UGGT1: variants seen among roughly 807,000 people sequenced by gnomAD.
UGGT1 encodes UDP-glucose:glycoprotein glucosyltransferase 1.
A neutral mutation model predicts 203.9 loss-of-function variants in UGGT1; 107 were observed. That is an observed-to-expected ratio of 0.52 (90% CI 0.45 to 0.62). The LOEUF is 0.62. Ranked by LOEUF, UGGT1 falls within the 20% of genes least tolerant of loss-of-function variation. The pLI, the probability that UGGT1 is intolerant of heterozygous loss-of-function variation, is 0.00. For missense variants in UGGT1, 1,673 were observed against 1,867.2 expected, an observed-to-expected ratio of 0.90 and a Z score of 1.92; for synonymous variants, 628 against 653.5, an observed-to-expected ratio of 0.96 and a Z score of 0.59.
chr2:128,182,230 A>G lies in UGGT1; in HGVS notation c.4184A>G (p.Tyr1395Cys), dbSNP rs1221676450. 1 of 1,614,210 alleles carries G rather than the reference A, an allele frequency of 6.2e-7. No homozygotes were observed. Among genetic ancestry groups the G allele is most frequent in the East Asian group, 2.2e-5 (1 of 44,892 alleles). ...FCDSRREMDGYRFWKSGYWAS... is the reference protein window; with the variant it reads ...FCDSRREMDGCRFWKSGYWAS... ...GACAGCCGAAGAGAAATGGACGGCT[A>G]CAGGTTCTGGAAGTCAGGGTACTGG... is the stretch of plus-strand genomic sequence containing the variant. The change falls in exon 37 of 41, where the codon TAC becomes TGC. Residue 1395 changes from tyrosine to cysteine, a missense_variant. Transcript: ENST00000259253.
In UGGT1 at chr2:128,156,039, C is replaced by T. The variant is rs148543437; in HGVS notation, c.2237-353C>T. Among the ~76,000 whole-genome samples the T allele has an allele frequency of 9.8e-3, 1,493 of 152,294 alleles. 29 individuals are homozygous for T. Among genetic ancestry groups the T allele is most frequent in the African/African-American group, 0.032 (1,347 of 41,556 alleles). On this transcript the variant is annotated intron_variant, in intron 20 of 40. Coordinates refer to ENST00000259253, the MANE Select transcript of UGGT1 (RefSeq NM_020120.4). ...TTTAGGCTAAGATTGTGTAAAATGA[C>T]GCCCTGTAGTGGCGGACAGATTCTG... is the stretch of plus-strand genomic sequence containing the variant.
At chr2:128,108,845 C>A (rs992074270) in intron 4 of UGGT1, among the ~76,000 whole-genome samples, 3 of 152,178 alleles carry the variant, frequency 2.0e-5, no homozygotes, top group African/African-American at 7.2e-5. Flanking sequence ...CTGTTGGAAT[C>A]ACTTGCTTGT....
intron 13 of UGGT1, among the ~76,000 whole-genome samples, chr2:128,131,006 GT>G (rs1688849862): frequency 6.6e-6 from 1 of 151,910 alleles, no homozygotes. Flanking sequence ...GCCGAGGTGG[GT>G]GGATCATTTG....
intron 7 of UGGT1, among the ~76,000 whole-genome samples, chr2:128,115,979 TA>T (rs1345522947): frequency 6.6e-6 from 1 of 152,178 alleles, no homozygotes; most frequent in Non-Finnish European, 1.5e-5. Context: ...CCATAATGTT[TA>T]AATGTATTAA....
At chr2:128,101,624 A>C (rs919462531) in intron 2 of UGGT1, among the ~76,000 whole-genome samples, 1 of 152,204 alleles carries the variant, frequency 6.6e-6, no homozygotes, top group African/African-American at 2.4e-5. Flanking sequence ...TTTATATTCC[A>C]GCTTTTCCAT....
chr2:128,123,228 A>G lies in UGGT1; in HGVS notation c.1116A>G (p.Glu372=). ...KTAVSSELRT[E]VEENQKYFKG... is the part of the protein sequence containing the mutation. ...CTGTGAGCTCAGAACTTAGAACCGA[A>G]GTGGAAGAGAATCAGAAGGTATTCA... The change falls in exon 11 of 41, where the codon GAA becomes GAG. Residue 372 remains glutamate (E), a synonymous_variant. Transcript: ENST00000259253. 6.2e-7 allele frequency: 1 copy of G among 1,613,592 alleles called. No homozygotes were observed. Among genetic ancestry groups the G allele is most frequent in the Non-Finnish European group, 8.5e-7 (1 of 1,179,674 alleles).
chr2:128,092,200 C>T (rs1686898953), intron 1 of UGGT1, among the ~76,000 whole-genome samples: 1 of 149,748 alleles, frequency 6.7e-6, no homozygotes, highest in African/African-American at 2.5e-5. Flanking sequence ...TTTAACAGCA[C>T]CACAAAACTT....
In UGGT1 at chr2:128,186,633, C is replaced by T. The variant is rs752241076; in HGVS notation, c.4360-50C>T. 39 of 1,453,252 alleles carry T rather than the reference C, an allele frequency of 2.7e-5. No homozygotes were observed. The East Asian group carries it at 9.2e-4, about 34-fold the overall frequency. 90.0% of individuals were successfully genotyped at this position (1,453,252 alleles called of 1,614,324 possible). A position where few individuals can be genotyped will look rare whatever the true frequency, so the allele number is the denominator to read the frequency against. On this transcript the variant is annotated intron_variant, in intron 38 of 40. Coordinates refer to ENST00000259253, the MANE Select transcript of UGGT1 (RefSeq NM_020120.4). ...CAATAAATAAATAAATAAATATCGC[C>T]AGAACTTTAGATACATGTATTTTAT...
At chr2:128,160,240 A>G (rs937002333) in intron 23 of UGGT1, among the ~76,000 whole-genome samples, 1 of 152,214 alleles carries the variant, frequency 6.6e-6, no homozygotes, top group African/African-American at 2.4e-5. Context: ...ATAGTCTGCT[A>G]GTCGAACAAA....
At chr2:128,138,464 G>A (rs1436651435) in intron 15 of UGGT1, among the ~76,000 whole-genome samples, 2 of 151,532 alleles carry the variant, frequency 1.3e-5, no homozygotes, top group South Asian at 2.1e-4. Flanking sequence ...GCAGTGAGCC[G>A]AGATTGCACC....
At chr2:128,116,119 T>A in intron 7 of UGGT1, 146 bp from the exon 8 acceptor site, 2 of 543,844 alleles carry the variant, frequency 3.7e-6, no homozygotes, top group Non-Finnish European at 6.4e-6. Context: ...AGGGTAATTG[T>A]GATAGTCAGC....
chr2:128,134,044 C>CT (rs1312609408), intron 14 of UGGT1, among the ~76,000 whole-genome samples: 9 of 151,560 alleles, frequency 5.9e-5, no homozygotes, highest in African/African-American at 2.2e-4. Context: ...CTTTTCTTCC[C>CT]CCCACTCCCG....
chr2:128,117,462 A>C (rs1185355391), intron 8 of UGGT1, among the ~76,000 whole-genome samples: 1 of 152,198 alleles, frequency 6.6e-6, no homozygotes, highest in African/African-American at 2.4e-5. Flanking sequence ...ATAATTATGT[A>C]ATCATTTAAT....
At chr2:128,159,425 G>A (rs959585586) in intron 22 of UGGT1, 89 bp from the exon 23 acceptor site, 3 of 1,195,258 alleles carry the variant, frequency 2.5e-6, no homozygotes, top group South Asian at 1.3e-5. Flanking sequence ...GATATTATTT[G>A]CTACTTATTG....
intron 2 of UGGT1, chr2:128,103,081 G>C (rs1168536549): frequency 2.1e-6 from 1 of 471,124 alleles, no homozygotes; most frequent in African/African-American, 2.0e-5. Flanking sequence ...GTGTCTAGCT[G>C]TGGAGTAGAG....
At chr2:128,170,173 C>G in intron 26 of UGGT1, 115 bp from the exon 27 acceptor site, 1 of 791,128 alleles carries the variant, frequency 1.3e-6, no homozygotes, top group Admixed American at 2.3e-5. Context: ...ATAGTCTAGT[C>G]TTTCTAGATC....
chr2:128,119,313 C>T (rs756252478), intron 8 of UGGT1, among the ~76,000 whole-genome samples: 11 of 151,892 alleles, frequency 7.2e-5, no homozygotes, highest in African/African-American at 2.2e-4. Context: ...TTGAGTTAGC[C>T]GGGCGCGGTA....
At chr2:128,181,265 T>C (rs892753180) in intron 36 of UGGT1, among the ~76,000 whole-genome samples, 193 bp downstream of exon 36, 6 of 152,252 alleles carry the variant, frequency 3.9e-5, no homozygotes, top group African/African-American at 1.4e-4. Flanking sequence ...TCTTTTTCTC[T>C]GTCTTTTTAA....
At chr2:128,092,589 T>TTTTC (rs1285270890) in intron 1 of UGGT1, among the ~76,000 whole-genome samples, 11 of 133,996 alleles carry the variant, frequency 8.2e-5, no homozygotes. Flanking sequence ...GATGTGATAA[T>TTTTC]TTTCTTTCTT....
Sources: allele counts gnomAD v4.1 joint callset (sites outside exome capture counted in the v4.1 genomes callset), GRCh38; gene constraint gnomAD v4.1.1; transcripts MANE v1.5; gene names NCBI Gene and HGNC (gene_info 2026-07-23, HGNC 2026-07-21).